R3HCC1: variants seen among roughly 807,000 people sequenced by gnomAD.
R3HCC1 encodes R3H domain and coiled-coil containing 1.
R3HCC1 carries 32 observed loss-of-function variants against 40.0 expected under a neutral mutation model. The observed-to-expected ratio is 0.80, with a 90% confidence interval of 0.60 to 1.07. The LOEUF is 1.07. Among genes scored for constraint, R3HCC1 ranks in the 50% least tolerant of loss-of-function variants. The pLI is 0.00. For missense variants in R3HCC1, 586 were observed against 563.3 expected (o/e 1.04, Z -0.41); for synonymous variants, 237 against 232.8 (o/e 1.02, Z -0.17).
chr8:23,295,882 G>T, intron 7 of R3HCC1, 85 bp from the exon 8 acceptor site: 1 of 1,457,706 alleles, frequency 6.9e-7, no homozygotes, highest in Non-Finnish European at 9.1e-7. Flanking sequence ...GGCTGGCTCT[G>T]ATGGCTTGTA....
Position 23,290,283 on chromosome 8 carries a change from A to G in R3HCC1, c.666A>G (p.Ser222=). The change falls in exon 4 of 8, where the codon TCA becomes TCG. Residue 222 remains serine (S), a synonymous_variant. Transcript: ENST00000265806. ...AGCCTCTGGGGCCTGAGAGTCAGTCAGGGAAGGGAGACATGGTGGAGATGG... is the reference window on the plus strand; with the variant it reads ...AGCCTCTGGGGCCTGAGAGTCAGTCGGGGAAGGGAGACATGGTGGAGATGG... 1 of 1,551,756 alleles carries G rather than the reference A, an allele frequency of 6.4e-7. No homozygotes were observed. Among genetic ancestry groups the G allele is most frequent in the Non-Finnish European group, 8.7e-7 (1 of 1,147,004 alleles).
chr8:23,296,195 C>T lies in R3HCC1; in HGVS notation c.*98C>T. ...GACGCCAGAGCAGCCCCGCACCACC[C>T]TCGAGCTTCACCATGGGGTGTGGTG... On this transcript the variant is annotated 3_prime_UTR_variant, in exon 8 of 8. Transcript: ENST00000265806. The T allele has an allele frequency of 7.3e-7, 1 of 1,377,884 alleles. No individual in the cohort carries two copies. Among genetic ancestry groups the T allele is most frequent in the Non-Finnish European group, 9.6e-7 (1 of 1,040,698 alleles). The allele number at this position is 1,377,884 out of a possible 1,614,324, so 85.4% of individuals were successfully genotyped here.
chr8:23,294,701 G>A (rs1301868691), intron 6 of R3HCC1, 68 bp from the exon 7 acceptor site: 14 of 1,217,770 alleles, frequency 1.1e-5, no homozygotes, highest in African/African-American at 4.5e-5. Flanking sequence ...GCAGGGGTTC[G>A]GGGTGGTGGG....
intron 5 of R3HCC1, among the ~76,000 whole-genome samples, chr8:23,292,722 G>A (rs1802894521): frequency 6.6e-6 from 1 of 152,254 alleles, no homozygotes; most frequent in Admixed American, 6.5e-5. Flanking sequence ...GAGAGCCGAA[G>A]GGGTGGCTAG....
chr8:23,294,864 A>T lies in R3HCC1; in HGVS notation c.1192A>T (p.Lys398Ter). 2 of 1,549,036 alleles carry T rather than the reference A, an allele frequency of 1.3e-6. No individual in the cohort carries two copies. Among genetic ancestry groups the T allele is most frequent in the Non-Finnish European group, 1.7e-6 (2 of 1,144,870 alleles). ...AAAGCTCAAAGCCTTGCAGAGGCCA[A>T]GTAAGGAAAGCGCATGTCCCTGAAT... The change falls in exon 7 of 8, where the codon AAA (lysine) becomes TAA (stop). Residue 398 changes from lysine to a stop codon, truncating the protein, a stop_gained and splice_region_variant. Transcript: ENST00000265806. LOFTEE classifies it high-confidence loss of function.
chr8:23,296,208 A>T lies in R3HCC1; in HGVS notation c.*111A>T. On this transcript the variant is annotated 3_prime_UTR_variant, in exon 8 of 8. Transcript: ENST00000265806. ...CCCCGCACCACCCTCGAGCTTCACC[A>T]TGGGGTGTGGTGGGCTTTAGTTTAG... 7.7e-7 allele frequency: 1 copy of T among 1,293,128 alleles called. No homozygotes were observed. The highest frequency in any genetic ancestry group is 1.7e-5 in the South Asian group (1 of 60,518). The allele number at this position is 1,293,128 out of a possible 1,614,324, so 80.1% of individuals were successfully genotyped here.
At chr8:23,289,441 C>G (rs1585331838) in intron 3 of R3HCC1, among the ~76,000 whole-genome samples, 1 of 152,228 alleles carries the variant, frequency 6.6e-6, no homozygotes, top group South Asian at 2.1e-4. Context: ...TAGCATTCCT[C>G]TCAGTGAGCT....
chr8:23,288,938 C>A, intron 2 of R3HCC1, 78 bp from the exon 3 acceptor site: 1 of 1,454,676 alleles, frequency 6.9e-7, no homozygotes, highest in Non-Finnish European at 9.2e-7. Context: ...AGTGTTAATC[C>A]GCGATTAACC....
At chr8:23,295,866 A>G (rs1053316537) in intron 7 of R3HCC1, 101 bp from the exon 8 acceptor site, 29 of 1,431,630 alleles carry the variant, frequency 2.0e-5, no homozygotes, top group Middle Eastern at 3.6e-4. Flanking sequence ...CATGTGTCAC[A>G]TGAGAGGCTG....
intron 4 of R3HCC1, 31 bp from the exon 5 acceptor site, chr8:23,291,330 C>G (rs1230322982): frequency 6.5e-7 from 1 of 1,538,512 alleles, no homozygotes; most frequent in African/African-American, 1.4e-5. Flanking sequence ...CGTGTCCAAG[C>G]TCCCCTTGCT....
chr8:23,295,335 A>G, intron 7 of R3HCC1: 1 of 377,806 alleles, frequency 2.6e-6, no homozygotes, highest in Non-Finnish European at 5.2e-6. Flanking sequence ...TCTTCTGTAA[A>G]ATAAGCAGAC....
At chr8:23,294,441 G>C (rs546463821) in intron 6 of R3HCC1, among the ~76,000 whole-genome samples, 15 of 152,300 alleles carry the variant, frequency 9.8e-5, no homozygotes, top group African/African-American at 2.9e-4. Context: ...GTGGTGAAAG[G>C]GGGAGAGGTT....
Position 23,288,155 on chromosome 8 carries a change from G to T in R3HCC1, c.-21G>T. 1 of 1,246,692 alleles carries T rather than the reference G, an allele frequency of 8.0e-7. No homozygotes were observed. Among genetic ancestry groups the T allele is most frequent in the Non-Finnish European group, 1.0e-6 (1 of 972,022 alleles). The allele number at this position is 1,246,692 out of a possible 1,614,324, so 77.2% of individuals were successfully genotyped here. ...GGCGGCTGCGACGCGCCGAGAGGCC[G>T]CGGTGAGTGCAGCAGCACTGGGGGG... On this transcript the variant is annotated splice_region_variant and 5_prime_UTR_variant, in exon 1 of 8. Transcript: ENST00000265806.
chr8:23,295,705 C>T, intron 7 of R3HCC1: 1 of 553,880 alleles, frequency 1.8e-6, no homozygotes. Flanking sequence ...CAGGATGAAC[C>T]CCTCAGCCCC....
chr8:23,294,833 G>A lies in R3HCC1; in HGVS notation c.1161G>A (p.Lys387=), dbSNP rs747961616. 33 of 1,551,400 alleles carry A rather than the reference G, an allele frequency of 2.1e-5. 1 individual carries two copies. Among genetic ancestry groups the A allele is most frequent in the Non-Finnish European group, 2.8e-5 (32 of 1,146,948 alleles). ...TCCGGCCCCTCACACAGGGAACCAA[G>A]CAGTCAAAGCTCAAAGCCTTGCAGA... The change falls in exon 7 of 8, where the codon AAG becomes AAA. Residue 387 remains lysine (K), a synonymous_variant. Transcript: ENST00000265806.
intron 7 of R3HCC1, chr8:23,295,711 G>A: frequency 3.5e-6 from 2 of 563,966 alleles, no homozygotes; most frequent in East Asian, 3.0e-5. Flanking sequence ...GAACCCCTCA[G>A]CCCCCTCACT....
chr8:23,288,622 G>A lies in R3HCC1; in HGVS notation c.99G>A (p.Lys33=). 6.5e-7 allele frequency: 1 copy of A among 1,536,030 alleles called. No individual in the cohort carries two copies. The highest frequency in any genetic ancestry group is 8.7e-7 in the Non-Finnish European group (1 of 1,146,854). Residue 33 remains lysine (K), a synonymous_variant, in exon 2 of 8, where the codon AAG becomes AAA. Transcript: ENST00000265806. ...AACTGGACCGCTTTCTGCTGCAGAA[G>A]CAGCTGTCAAAGTAGGCTCATGTGA... is the stretch of plus-strand genomic sequence containing the variant.
chr8:23,294,197 C>T (rs996869671), intron 6 of R3HCC1, among the ~76,000 whole-genome samples: 6 of 152,132 alleles, frequency 3.9e-5, no homozygotes, highest in Non-Finnish European at 8.8e-5. Flanking sequence ...CAAGAGGCTG[C>T]CCTGTGCTGC....
At chr8:23,295,223 T>A (rs956702137) in intron 7 of R3HCC1, among the ~76,000 whole-genome samples, 1 of 152,176 alleles carries the variant, frequency 6.6e-6, no homozygotes, top group Non-Finnish European at 1.5e-5. Context: ...GGGAAGGGCC[T>A]GGGCTTTGGG....
Sources: allele counts gnomAD v4.1 joint callset (sites outside exome capture counted in the v4.1 genomes callset), GRCh38; gene constraint gnomAD v4.1.1; transcripts MANE v1.5; gene names NCBI Gene and HGNC (gene_info 2026-07-23, HGNC 2026-07-21).